The following SGMS2 variants were observed in gnomAD, a reference collection of about 807,000 sequenced individuals.
SGMS2 encodes the protein phosphatidylcholine:ceramide cholinephosphotransferase 2.
A neutral mutation model predicts 43.8 loss-of-function variants in SGMS2; 21 were observed. The observed-to-expected ratio is 0.48, with a 90% confidence interval of 0.34 to 0.69. SGMS2 has a LOEUF of 0.69. Ranked by LOEUF, SGMS2 falls within the 30% of genes least tolerant of loss-of-function variation. The probability of loss-of-function intolerance (pLI) is 0.01; values close to 1 mark genes in which losing one functional copy is unlikely to be tolerated. For synonymous variants in SGMS2, 167 were observed against 160.6 expected, an observed-to-expected ratio of 1.04 and a Z score of -0.30; for missense variants, 384 against 443.2, an observed-to-expected ratio of 0.87 and a Z score of 1.20.
intron 2 of SGMS2, among the ~76,000 whole-genome samples, chr4:107,871,394 T>G (rs1031243143): frequency 4.6e-5 from 7 of 152,166 alleles, no homozygotes; most frequent in African/African-American, 1.7e-4. Context: ...CTTCAAATGT[T>G]ATTTCAGGCT....
chr4:107,846,871 G>A (rs1726857594), intron 1 of SGMS2, among the ~76,000 whole-genome samples: 2 of 150,702 alleles, frequency 1.3e-5, no homozygotes, highest in South Asian at 4.2e-4. Context: ...CAGTGATGAT[G>A]AGCATTTTTT....
At chr4:107,902,150 C>T (rs1312001538) in intron 4 of SGMS2, among the ~76,000 whole-genome samples, 1 of 150,750 alleles carries the variant, frequency 6.6e-6, no homozygotes, top group Non-Finnish European at 1.5e-5. Flanking sequence ...AACTCCTGAC[C>T]TCAGATACTT....
At chr4:107,831,695 AC>A (rs1219083000) in intron 1 of SGMS2, among the ~76,000 whole-genome samples, 1 of 152,216 alleles carries the variant, frequency 6.6e-6, no homozygotes, top group Non-Finnish European at 1.5e-5. Flanking sequence ...TTCAAGTGTT[AC>A]ATCTTGGCTG....
intron 3 of SGMS2, 110 bp downstream of exon 3, chr4:107,896,118 C>A (rs1730652088): frequency 3.1e-6 from 3 of 976,582 alleles, no homozygotes; most frequent in African/African-American, 1.6e-5. Flanking sequence ...CAGTCTTACC[C>A]AAACATTTGA....
At chr4:107,846,986 T>G (rs1256266696) in intron 1 of SGMS2, among the ~76,000 whole-genome samples, 2 of 152,220 alleles carry the variant, frequency 1.3e-5, no homozygotes, top group Admixed American at 1.3e-4. Context: ...TAAATTTGTT[T>G]GAGCTCATTG....
chr4:107,857,531 GATATATAT>G (rs112123351), intron 1 of SGMS2, among the ~76,000 whole-genome samples: 3 of 144,880 alleles, frequency 2.1e-5, no homozygotes, highest in African/African-American at 7.6e-5. Flanking sequence ...GTAGTTAAAA[GATATATAT>G]ATATATATAT....
chr4:107,866,802 G>A (rs369499796), intron 2 of SGMS2: 2 of 151,672 alleles, frequency 1.3e-5, no homozygotes, highest in Non-Finnish European at 2.9e-5. Flanking sequence ...TATTTCTTTC[G>A]TTTTATATGA....
intron 1 of SGMS2, among the ~76,000 whole-genome samples, chr4:107,849,524 C>T (rs1727020463): frequency 6.6e-6 from 1 of 152,114 alleles, no homozygotes; most frequent in Admixed American, 6.6e-5. Flanking sequence ...TTATTTTTCT[C>T]CTTCAACAAA....
intron 2 of SGMS2, among the ~76,000 whole-genome samples, chr4:107,874,563 C>T (rs187925003): frequency 6.6e-6 from 1 of 152,090 alleles, no homozygotes; most frequent in Non-Finnish European, 1.5e-5. Flanking sequence ...TAAAACAGTA[C>T]TTAAGTACTA....
At chr4:107,881,171 A>G (rs1322715688) in intron 2 of SGMS2, among the ~76,000 whole-genome samples, 4 of 152,108 alleles carry the variant, frequency 2.6e-5, no homozygotes, top group East Asian at 1.9e-4. Flanking sequence ...AATTGCCTGT[A>G]TTGCAGTCTA....
intron 1 of SGMS2, among the ~76,000 whole-genome samples, chr4:107,857,880 G>A (rs1192130849): frequency 2.0e-5 from 3 of 152,208 alleles, no homozygotes; most frequent in African/African-American, 7.2e-5. Flanking sequence ...CCTTCTCTAT[G>A]CCTAGTTCAC....
At position 107,891,446 on chromosome 4, in the gene SGMS2, G is replaced by C. The variant is rs1200595780; in HGVS notation, c.-244-3864G>C. 2.6e-5 allele frequency among the ~76,000 whole-genome samples: 4 copies of C among 152,208 alleles called. No individual in the cohort carries two copies. The East Asian group carries it at 7.7e-4, about 29-fold the overall frequency. On this transcript the variant is annotated intron_variant, in intron 2 of 6. Transcript: ENST00000690982. ...ACAAACCCCAATTTAGTTATCTAGG[G>C]GTTGTTGGGTCTCAGGCTGAAGACT...
Position 107,903,282 on chromosome 4 carries a change from C to T in SGMS2, c.623C>T (p.Ser208Phe), listed in dbSNP as rs1731276047. ...GTTCAACGGATTCTACGATTGATTT[C>T]TGGTGGTGGATTGTCCATAACTGGA... ...AKVQRILRLI[S>F]GGGLSITGSH... Residue 208 changes from serine (S) to phenylalanine (F), a missense_variant, in exon 5 of 7, where the codon TCT (serine) becomes TTT (phenylalanine). Physicochemically the swap from Ser to Phe is radical, Grantham distance 155. Coordinates refer to ENST00000690982, the MANE Select transcript of SGMS2 (RefSeq NM_001375905.1). 1 of 1,614,036 alleles carries T rather than the reference C, an allele frequency of 6.2e-7. No homozygotes were observed. The highest frequency in any genetic ancestry group is 8.5e-7 in the Non-Finnish European group (1 of 1,179,946).
chr4:107,910,068 T>C (rs924108127), intron 6 of SGMS2, among the ~76,000 whole-genome samples: 1 of 152,248 alleles, frequency 6.6e-6, no homozygotes, highest in Admixed American at 6.5e-5. Flanking sequence ...ATCCTGAAAA[T>C]TATTCCTCCT....
chr4:107,889,303 T>C (rs376343473), intron 2 of SGMS2, among the ~76,000 whole-genome samples: 14 of 152,196 alleles, frequency 9.2e-5, no homozygotes, highest in African/African-American at 3.1e-4. Flanking sequence ...AACCCCCATG[T>C]CAAATTTTGA....
chr4:107,835,130 C>T (rs1726100185), intron 1 of SGMS2, among the ~76,000 whole-genome samples: 1 of 151,830 alleles, frequency 6.6e-6, no homozygotes, highest in African/African-American at 2.4e-5. Flanking sequence ...TCTCTTTGTA[C>T]AATGTAGCAA....
chr4:107,893,449 G>A lies in SGMS2; in HGVS notation c.-244-1861G>A, dbSNP rs140916912. 3 of 152,330 alleles carry A rather than the reference G, an allele frequency of 2.0e-5. No homozygotes were observed. In the East Asian group the frequency reaches 5.8e-4, roughly 29 times the overall value. The allele number at this position is 152,330 out of a possible 1,614,324, so 9.4% of individuals were successfully genotyped here. Reference sequence around the variant, plus strand: ...GGCTGTGTTAGTGCTTCGGACCTCCGTTAGAAGTAGCAGTTCATGGTGTTG... The same window carrying A: ...GGCTGTGTTAGTGCTTCGGACCTCCATTAGAAGTAGCAGTTCATGGTGTTG... On this transcript the variant is annotated intron_variant, in intron 2 of 6. Transcript: ENST00000690982.
chr4:107,903,080 T>C (rs1015184570), intron 4 of SGMS2, among the ~76,000 whole-genome samples, 153 bp from the exon 5 acceptor site: 1 of 152,074 alleles, frequency 6.6e-6, no homozygotes, highest in African/African-American at 2.4e-5. Flanking sequence ...AAACCCAGTT[T>C]GAGGAGCTTC....
intron 2 of SGMS2, among the ~76,000 whole-genome samples, chr4:107,862,657 G>A (rs1315269030): frequency 6.6e-6 from 1 of 152,164 alleles, no homozygotes; most frequent in East Asian, 1.9e-4. Context: ...GAGAATGACT[G>A]AAGGAGCCTC....
Sources: allele counts gnomAD v4.1 joint callset (sites outside exome capture counted in the v4.1 genomes callset), GRCh38; gene constraint gnomAD v4.1.1; transcripts MANE v1.5; gene names NCBI Gene and HGNC (gene_info 2026-07-23, HGNC 2026-07-21).